The following PCLO variants were observed in gnomAD, a reference collection of about 807,000 sequenced individuals.
PCLO encodes piccolo presynaptic cytomatrix protein.
PCLO carries 82 observed loss-of-function variants against 427.5 expected under a neutral mutation model. The observed-to-expected ratio is 0.19, with a 90% CI of 0.16 to 0.23. PCLO has a LOEUF of 0.23. Among genes scored for constraint, PCLO ranks in the 10% least tolerant of loss-of-function variants. The pLI, the probability that PCLO is intolerant of heterozygous loss-of-function variation, is 1.00. For missense variants in PCLO, 6,239 were observed against 6,115.9 expected (o/e 1.02, Z -0.67); for synonymous variants, 2,357 against 2,155.4 (o/e 1.09, Z -2.59).
intron 22 of PCLO, among the ~76,000 whole-genome samples, chr7:82,781,937 C>T (rs1790881686): frequency 6.6e-6 from 1 of 152,194 alleles, no homozygotes; most frequent in African/African-American, 2.4e-5. Context: ...TTCCCCCATA[C>T]CTTGCCCTGC....
At chr7:82,804,446 A>G (rs1791418887) in intron 21 of PCLO, among the ~76,000 whole-genome samples, 1 of 152,214 alleles carries the variant, frequency 6.6e-6, no homozygotes, top group South Asian at 2.1e-4. Flanking sequence ...TTATCAAAAT[A>G]TTATAATTGT....
At chr7:82,935,309 T>C (rs1794926997) in intron 6 of PCLO, among the ~76,000 whole-genome samples, 1 of 151,346 alleles carries the variant, frequency 6.6e-6, no homozygotes, top group Admixed American at 6.6e-5. Flanking sequence ...ATGTTCTTTA[T>C]TCTCAGTTTT....
chr7:82,764,589 T>C (rs1354264794), intron 22 of PCLO, among the ~76,000 whole-genome samples: 1 of 151,820 alleles, frequency 6.6e-6, no homozygotes. Context: ...TAGTAAAAAA[T>C]ACAGATATTG....
In PCLO at chr7:82,951,177, C is replaced by T. The variant is rs768832755; in HGVS notation, c.9411G>A (p.Gln3137=). 8 of 1,613,518 alleles carry T rather than the reference C, an allele frequency of 5.0e-6. No individual in the cohort carries two copies. The highest frequency in any genetic ancestry group is 1.7e-5 in the Admixed American group (1 of 59,968). Residue 3137 remains glutamine (Q), a synonymous_variant, in exon 6 of 25, where the codon CAG becomes CAA. Transcript: ENST00000333891. ...TTATAAAATATGATCTAGGCATTGG[C>T]TGGCTATGGTGCATGGCAGGTAATG... ...VTSLPAMHHS[Q]PMPRSYFITT... is the part of the protein sequence containing the mutation.
intron 3 of PCLO, among the ~76,000 whole-genome samples, chr7:83,041,595 A>G (rs180807833): frequency 6.6e-6 from 1 of 152,252 alleles, no homozygotes; most frequent in African/African-American, 2.4e-5. Context: ...CAATAGCATC[A>G]TTTTCATTTT....
chr7:82,813,618 TGA>T (rs1307746629), intron 20 of PCLO, among the ~76,000 whole-genome samples: 5 of 151,820 alleles, frequency 3.3e-5, no homozygotes, highest in South Asian at 2.1e-4. Flanking sequence ...ATTACTAGCA[TGA>T]GAGATTCATG....
At chr7:83,160,935 G>C (rs1434033509) in intron 1 of PCLO, among the ~76,000 whole-genome samples, 1 of 151,816 alleles carries the variant, frequency 6.6e-6, no homozygotes, top group East Asian at 1.9e-4. Flanking sequence ...TTTTTTTCTT[G>C]TCAAGTTTTC....
At chr7:82,976,324 C>A (rs545668124) in intron 3 of PCLO, among the ~76,000 whole-genome samples, 1 of 152,160 alleles carries the variant, frequency 6.6e-6, no homozygotes. Context: ...CCATCCTCTC[C>A]CCTACTTTAA....
chr7:82,902,708 TGTA>T lies in PCLO; in HGVS notation c.13468_13470del (p.Tyr4490del). 1 of 1,601,956 alleles carries T rather than the reference TGTA, an allele frequency of 6.2e-7. No individual in the cohort carries two copies. Among genetic ancestry groups the T allele is most frequent in the Non-Finnish European group, 8.5e-7 (1 of 1,170,002 alleles). On this transcript the variant is annotated inframe_deletion, in exon 9 of 25. Transcript: ENST00000333891. ...ATTTTTATCCTTGCGTGAGGAAAGA[TGTA>T]GTGCATAGTTTTCCCGTTCATCTGT...
intron 22 of PCLO, among the ~76,000 whole-genome samples, chr7:82,784,232 C>T (rs1790935897): frequency 6.6e-6 from 1 of 152,100 alleles, no homozygotes; most frequent in Admixed American, 6.5e-5. Context: ...CAGTGTTCAA[C>T]AAGGCTTCTA....
intron 3 of PCLO, among the ~76,000 whole-genome samples, chr7:83,042,534 T>C (rs996773533): frequency 1.3e-5 from 2 of 151,968 alleles, no homozygotes; most frequent in African/African-American, 2.4e-5. Flanking sequence ...AACAAGGAAA[T>C]TAGATGAGGG....
intron 2 of PCLO, among the ~76,000 whole-genome samples, chr7:83,139,439 T>C (rs959850900): frequency 1.3e-5 from 2 of 152,192 alleles, no homozygotes; most frequent in Non-Finnish European, 2.9e-5. Context: ...ACTGTAAAAT[T>C]AGAACACTGC....
chr7:82,944,619 C>T (rs536288910), intron 6 of PCLO, among the ~76,000 whole-genome samples: 4 of 152,164 alleles, frequency 2.6e-5, no homozygotes, highest in South Asian at 4.2e-4. Flanking sequence ...GTATAGGAGT[C>T]GGCAATTTCC....
chr7:83,013,055 C>T (rs1055971115), intron 3 of PCLO, among the ~76,000 whole-genome samples: 3 of 152,136 alleles, frequency 2.0e-5, no homozygotes, highest in African/African-American at 7.2e-5. Context: ...CAATATACAC[C>T]TTGCTGCTCA....
intron 3 of PCLO, among the ~76,000 whole-genome samples, chr7:83,032,372 TTCCCTCACTCCCCTCACTCCCCTCAC>T (rs1221067600): frequency 6.6e-6 from 1 of 151,192 alleles, no homozygotes; most frequent in Non-Finnish European, 1.5e-5. Flanking sequence ...TCATTCTCCA[TTCCCTCACTCCCCTCACTCCCCTCAC>T]TCCCTCCCTC....
At chr7:82,827,486 A>AG (rs1469748155) in intron 17 of PCLO, among the ~76,000 whole-genome samples, 1 of 152,008 alleles carries the variant, frequency 6.6e-6, no homozygotes, top group African/African-American at 2.4e-5. Context: ...ATACAGTTCT[A>AG]TGCACTGAAT....
chr7:82,978,953 T>C (rs1796087585), intron 3 of PCLO, among the ~76,000 whole-genome samples: 1 of 151,288 alleles, frequency 6.6e-6, no homozygotes, highest in South Asian at 2.1e-4. Flanking sequence ...AAAAGCTAGG[T>C]GGAGAATGAA....
Position 82,906,082 on chromosome 7 carries a change from T to A in PCLO, c.13437+2795A>T, listed in dbSNP as rs145675164. ...ACACACACACACATACACACACATA[T>A]AAGTATACACATATATTTGAAATGA... is the stretch of plus-strand genomic sequence containing the variant. On this transcript the variant is annotated intron_variant, in intron 8 of 24. Transcript: ENST00000333891. 1.7e-3 allele frequency among the ~76,000 whole-genome samples: 258 copies of A among 151,954 alleles called. 1 individual carries two copies. Among genetic ancestry groups the A allele is most frequent in the African/African-American group, 6.0e-3 (250 of 41,488 alleles).
At chr7:83,072,364 C>G (rs888228627) in intron 3 of PCLO, among the ~76,000 whole-genome samples, 3 of 151,914 alleles carry the variant, frequency 2.0e-5, no homozygotes, top group African/African-American at 7.2e-5. Context: ...TAAAAAAGTC[C>G]TTTTTTATTT....
Sources: allele counts gnomAD v4.1 joint callset (sites outside exome capture counted in the v4.1 genomes callset), GRCh38; gene constraint gnomAD v4.1.1; transcripts MANE v1.5; gene names NCBI Gene and HGNC (gene_info 2026-07-23, HGNC 2026-07-21).